NELL1: variants seen among roughly 807,000 people sequenced by gnomAD.
NELL1 encodes protein kinase C-binding protein NELL1.
A neutral mutation model predicts 107.4 loss-of-function variants in NELL1; 76 were observed. That is an observed-to-expected ratio of 0.71 (90% CI 0.59 to 0.86). The LOEUF is 0.86. Among genes scored for constraint, NELL1 ranks in the 40% least tolerant of loss-of-function variants. The probability of loss-of-function intolerance (pLI) is 0.00; values close to 1 mark genes in which losing one functional copy is unlikely to be tolerated. For synonymous variants in NELL1, 353 were observed against 341.2 expected (o/e 1.03, Z -0.38); for missense variants, 1,024 against 1,005.5 (o/e 1.02, Z -0.25).
intron 12 of NELL1, among the ~76,000 whole-genome samples, chr11:21,011,548 T>A (rs1310578135): frequency 6.6e-6 from 1 of 152,122 alleles, no homozygotes; most frequent in East Asian, 1.9e-4. Context: ...CAGACTGCCC[T>A]GGGGAGATTG....
intron 14 of NELL1, among the ~76,000 whole-genome samples, chr11:21,355,395 A>T (rs1850909803): frequency 6.6e-6 from 1 of 152,194 alleles, no homozygotes; most frequent in Admixed American, 6.5e-5. Context: ...CACTATGCCA[A>T]GTGCTTTACA....
At chr11:21,267,746 G>T (rs769598704) in intron 14 of NELL1, among the ~76,000 whole-genome samples, 1 of 152,038 alleles carries the variant, frequency 6.6e-6, no homozygotes, top group Non-Finnish European at 1.5e-5. Flanking sequence ...CTCTTGAATC[G>T]ATATCATCAC....
chr11:21,546,373 C>T (rs908333168), intron 16 of NELL1, among the ~76,000 whole-genome samples: 1 of 151,912 alleles, frequency 6.6e-6, no homozygotes, highest in African/African-American at 2.4e-5. Flanking sequence ...GTGTTAGAGC[C>T]AAAGATCATG....
intron 12 of NELL1, among the ~76,000 whole-genome samples, chr11:21,041,164 A>G (rs909802361): frequency 2.0e-5 from 3 of 152,200 alleles, no homozygotes; most frequent in Non-Finnish European, 4.4e-5. Context: ...CACTTGACTG[A>G]GAAGGCTTGG....
intron 12 of NELL1, among the ~76,000 whole-genome samples, chr11:21,030,236 A>G (rs1208580790): frequency 6.6e-6 from 1 of 152,200 alleles, no homozygotes; most frequent in Non-Finnish European, 1.5e-5. Flanking sequence ...GGAACTGTAG[A>G]TGGCCAGGAA....
chr11:21,061,058 A>T (rs1853730169), intron 12 of NELL1, among the ~76,000 whole-genome samples: 4 of 152,138 alleles, frequency 2.6e-5, no homozygotes, highest in Admixed American at 2.6e-4. Context: ...TTTATGCCTA[A>T]AGGGACTTTG....
chr11:21,521,327 G>C (rs1415804608), intron 15 of NELL1, among the ~76,000 whole-genome samples: 1 of 151,034 alleles, frequency 6.6e-6, no homozygotes, highest in Non-Finnish European at 1.5e-5. Context: ...TTTGATATCT[G>C]TTTAATTCTG....
Position 21,481,300 on chromosome 11 carries a change from A to G in NELL1, c.1646-53074A>G, listed in dbSNP as rs1350609704. 2.0e-5 allele frequency among the ~76,000 whole-genome samples: 3 copies of G among 152,342 alleles called. No homozygotes were observed. In the East Asian group the frequency reaches 5.8e-4, roughly 29 times the overall value. On this transcript the variant is annotated intron_variant, in intron 15 of 19. Transcript: ENST00000357134. ...AATTATTCATCATTTCTATTCATAC[A>G]AAACTTAATGACTGTGGAGAGCTCA...
intron 12 of NELL1, among the ~76,000 whole-genome samples, chr11:21,051,444 G>A (rs540337289): frequency 1.3e-5 from 2 of 152,110 alleles, no homozygotes; most frequent in South Asian, 4.2e-4. Flanking sequence ...TACACTGCTC[G>A]GGTGATATGT....
At chr11:21,253,317 C>T (rs1017588991) in intron 14 of NELL1, among the ~76,000 whole-genome samples, 1 of 152,014 alleles carries the variant, frequency 6.6e-6, no homozygotes, top group Non-Finnish European at 1.5e-5. Context: ...GTATATACTG[C>T]TGTATATACT....
intron 13 of NELL1, among the ~76,000 whole-genome samples, chr11:21,118,345 A>G (rs146839616): frequency 1.1e-3 from 174 of 152,112 alleles, no homozygotes; most frequent in African/African-American, 4.0e-3. Context: ...GGCCAGATTC[A>G]AGGACCTTCA....
intron 12 of NELL1, among the ~76,000 whole-genome samples, chr11:21,049,225 C>A (rs954410377): frequency 6.6e-6 from 1 of 152,128 alleles, no homozygotes; most frequent in South Asian, 2.1e-4. Flanking sequence ...AAGGGAAATT[C>A]CCAGAAAGAG....
At chr11:20,717,394 A>T (rs1278720040) in intron 2 of NELL1, among the ~76,000 whole-genome samples, 1 of 151,968 alleles carries the variant, frequency 6.6e-6, no homozygotes, top group Admixed American at 6.6e-5. Context: ...ATTTTCCCTG[A>T]CTCATGCCAC....
intron 14 of NELL1, among the ~76,000 whole-genome samples, chr11:21,304,746 G>A (rs543808147): frequency 1.3e-5 from 2 of 151,590 alleles, no homozygotes; most frequent in South Asian, 2.1e-4. Flanking sequence ...CTGTATCATC[G>A]ACTTAATTAT....
At chr11:20,761,518 T>C (rs1179936412) in intron 2 of NELL1, among the ~76,000 whole-genome samples, 1 of 152,222 alleles carries the variant, frequency 6.6e-6, no homozygotes, top group Non-Finnish European at 1.5e-5. Flanking sequence ...TCTTGAGGAA[T>C]GTCAGAAATA....
chr11:21,478,642 C>T (rs1333967954), intron 15 of NELL1, among the ~76,000 whole-genome samples: 1 of 151,364 alleles, frequency 6.6e-6, no homozygotes, highest in African/African-American at 2.4e-5. Context: ...AGTAATACCC[C>T]ACAAGCACAG....
At chr11:21,481,790 T>C (rs1341243877) in intron 15 of NELL1, among the ~76,000 whole-genome samples, 6 of 152,150 alleles carry the variant, frequency 3.9e-5, no homozygotes, top group East Asian at 3.9e-4. Context: ...CTGACTCCCA[T>C]TGAATGTGTG....
At chr11:21,064,402 G>A (rs1853818603) in intron 12 of NELL1, among the ~76,000 whole-genome samples, 1 of 152,122 alleles carries the variant, frequency 6.6e-6, no homozygotes, top group Admixed American at 6.6e-5. Flanking sequence ...TTCAGAACAG[G>A]GTGTTAAGAG....
intron 2 of NELL1, among the ~76,000 whole-genome samples, chr11:20,714,654 T>C (rs935244050): frequency 2.8e-4 from 42 of 151,998 alleles, no homozygotes; most frequent in Non-Finnish European, 3.7e-4. Context: ...CCTGAGTGGC[T>C]AGGACCCACA....
Sources: allele counts gnomAD v4.1 joint callset (sites outside exome capture counted in the v4.1 genomes callset), GRCh38; gene constraint gnomAD v4.1.1; transcripts MANE v1.5; gene names NCBI Gene and HGNC (gene_info 2026-07-23, HGNC 2026-07-21).